The following ALS2 variants were observed in gnomAD, a reference collection of about 807,000 sequenced individuals.
ALS2 encodes the protein alsin Rho guanine nucleotide exchange factor ALS2.
In ALS2, 117 loss-of-function variants were observed where a neutral mutation model predicts 203.4. The observed-to-expected ratio is 0.58, with a 90% CI of 0.50 to 0.67. The LOEUF (loss-of-function observed/expected upper bound fraction) is 0.67, where lower values mean the gene tolerates loss of function less well. ALS2 is among the 30% of genes least tolerant of loss of function. ALS2 has a pLI of 0.00. For missense variants in ALS2, 1,715 were observed against 1,989.4 expected, an observed-to-expected ratio of 0.86 and a Z score of 2.62; for synonymous variants, 718 against 725.9, an observed-to-expected ratio of 0.99 and a Z score of 0.17.
Position 201,751,512 on chromosome 2 carries a change from C to A in ALS2, c.1737+1634G>T, listed in dbSNP as rs181923442. Among the ~76,000 whole-genome samples the A allele has an allele frequency of 4.7e-4, 71 of 152,186 alleles. No individual in the cohort carries two copies. The East Asian group carries it at 0.012, about 25-fold the overall frequency. Reference sequence around the variant, plus strand: ...CTTTTATGACGAAAATATAAATATCCTTTTGACAATTTTTATCCTTTGACA... The same window carrying A: ...CTTTTATGACGAAAATATAAATATCATTTTGACAATTTTTATCCTTTGACA... On this transcript the variant is annotated intron_variant, in intron 7 of 33. Coordinates refer to ENST00000264276, the MANE Select transcript of ALS2 (RefSeq NM_020919.4).
chr2:201,731,844 G>A (rs1691576714), intron 13 of ALS2, among the ~76,000 whole-genome samples: 1 of 152,140 alleles, frequency 6.6e-6, no homozygotes, highest in Non-Finnish European at 1.5e-5. Context: ...CTTCAGAGAT[G>A]GATAGGTGAA....
Position 201,761,503 on chromosome 2 carries a change from G to A in ALS2, c.491C>T (p.Ala164Val). 6.2e-7 allele frequency: 1 copy of A among 1,613,218 alleles called. No individual in the cohort carries two copies. The highest frequency in any genetic ancestry group is 8.5e-7 in the Non-Finnish European group (1 of 1,179,200). Residue 164 changes from alanine to valine, a missense_variant, in exon 4 of 34, where the codon GCA becomes GTA. Around this residue, in one of 3 missense-constraint regions of ALS2, gnomAD observed 476 missense variants for 539.3 expected, o/e 0.88. Coordinates refer to ENST00000264276, the MANE Select transcript of ALS2 (RefSeq NM_020919.4). ...CCAAATCTCTCTGCTTATTGACAAT[G>A]CCAGAGTGTGCTCCTCGCCACACGC... ...QLACGEEHTL[A>V]LSISREIWAW...
intron 4 of ALS2, chr2:201,760,492 T>C: frequency 9.9e-7 from 1 of 1,006,454 alleles, no homozygotes. Context: ...GACTTTTCTC[T>C]ACAGAATTCT....
intron 1 of ALS2, among the ~76,000 whole-genome samples, chr2:201,780,517 C>G (rs1694853402): frequency 6.6e-6 from 1 of 152,142 alleles, no homozygotes; most frequent in Non-Finnish European, 1.5e-5. Context: ...AAGAAATTCT[C>G]GTGAATGAAT....
chr2:201,728,743 G>A (rs1292841436), intron 14 of ALS2, 103 bp from the exon 15 acceptor site: 1 of 1,390,508 alleles, frequency 7.2e-7, no homozygotes, highest in East Asian at 2.4e-5. Flanking sequence ...GGAATTTGCT[G>A]GTCGTAGCTT....
In ALS2 at chr2:201,725,467, AG is replaced by A; in HGVS notation, c.3249-14del. On this transcript the variant is annotated splice_polypyrimidine_tract_variant and intron_variant, in intron 19 of 33. Coordinates refer to ENST00000264276, the MANE Select transcript of ALS2 (RefSeq NM_020919.4). ...GTATTCTCCATACCTGCCATGAAAA[AG>A]AAAAAATAACAAAAGAAGATGCATT... 1 of 1,599,178 alleles carries A rather than the reference AG, an allele frequency of 6.3e-7. No homozygotes were observed. The highest frequency in any genetic ancestry group is 8.6e-7 in the Non-Finnish European group (1 of 1,166,620).
rs749442386 is a variant in ALS2 at position 201,753,233 on chromosome 2, C to T, written c.1650G>A (p.Pro550=). 3.4e-5 allele frequency: 55 copies of T among 1,613,628 alleles called. No individual in the cohort carries two copies. Among genetic ancestry groups the T allele is most frequent in the Middle Eastern group, 1.6e-4 (1 of 6,084 alleles). Residue 550 remains proline (P), a synonymous_variant, in exon 7 of 34, where the codon CCG becomes CCA. Transcript: ENST00000264276. ...GHGDVLPRLQ[P]LCVKCLDGKE... is the part of the protein sequence containing the mutation. ...TGCCATCCAGACATTTTACACACAA[C>T]GGTTGAAGCCTTAAAAAGAAACACA...
chr2:201,758,951 A>AT (rs1425916850), intron 4 of ALS2, among the ~76,000 whole-genome samples: 1 of 152,172 alleles, frequency 6.6e-6, no homozygotes, highest in Non-Finnish European at 1.5e-5. Context: ...CAATAAACAA[A>AT]TATACTTAAT....
At chr2:201,704,963 T>C (rs1689612797) in intron 31 of ALS2, among the ~76,000 whole-genome samples, 176 bp downstream of exon 31, 1 of 152,158 alleles carries the variant, frequency 6.6e-6, no homozygotes, top group Non-Finnish European at 1.5e-5. Flanking sequence ...CATTTTAGAG[T>C]AAAAGATAAC....
Position 201,728,614 on chromosome 2 carries a change from T to C in ALS2, c.2739A>G (p.Arg913=). The part of the protein sequence containing the change: ...MTDSLRKPER[R]LLCESSNRAL... ...CTCGGTTACTACTCTCACACAGCAG[T>C]CGACGCTCTGGCTTCCTCAAGGAAT... The change falls in exon 15 of 34, where the codon CGA becomes CGG. Residue 913 remains arginine (R), a synonymous_variant. Coordinates refer to ENST00000264276, the MANE Select transcript of ALS2 (RefSeq NM_020919.4). 1.2e-6 allele frequency: 2 copies of C among 1,614,090 alleles called. No individual in the cohort carries two copies. Among genetic ancestry groups the C allele is most frequent in the South Asian group, 2.2e-5 (2 of 91,074 alleles).
intron 10 of ALS2, among the ~76,000 whole-genome samples, chr2:201,743,708 C>T (rs1406113481): frequency 6.6e-6 from 1 of 152,146 alleles, no homozygotes; most frequent in Non-Finnish European, 1.5e-5. Flanking sequence ...AACTCCTGAC[C>T]TCATGATCTG....
chr2:201,741,687 C>A lies in ALS2; in HGVS notation c.2338G>T (p.Asp780Tyr), dbSNP rs778611588. ...VILKHSSLFL[D>Y]SYTEYCTSIT... The stretch of plus-strand genomic sequence containing the variant: ...CTGGATACTTGCTCTGTATAACTAT[C>A]CAAGAAGAGACTTGAATGCTTCAGG... Residue 780 changes from aspartate (D) to tyrosine (Y), a missense_variant, in exon 11 of 34, where the codon GAT (aspartate) becomes TAT (tyrosine). Physicochemically the swap from Asp to Tyr is radical, Grantham distance 160 (BLOSUM62 -3). Around this residue, in one of 3 missense-constraint regions of ALS2, gnomAD observed 1,227 missense variants for 1,413.5 expected, o/e 0.87. Transcript: ENST00000264276. 3 of 1,614,046 alleles carry A rather than the reference C, an allele frequency of 1.9e-6. No homozygotes were observed. The highest frequency in any genetic ancestry group is 1.7e-6 in the Non-Finnish European group (2 of 1,180,010).
chr2:201,705,105 G>T, intron 31 of ALS2, 34 bp downstream of exon 31: 1 of 1,598,336 alleles, frequency 6.3e-7, no homozygotes, highest in South Asian at 1.1e-5. Flanking sequence ...GCACTACTTT[G>T]ATTTGTATGG....
At chr2:201,743,348 G>C (rs1446525953) in intron 10 of ALS2, among the ~76,000 whole-genome samples, 1 of 152,158 alleles carries the variant, frequency 6.6e-6, no homozygotes, top group Non-Finnish European at 1.5e-5. Flanking sequence ...CAGGTACCCA[G>C]TATATCTGGA....
At chr2:201,742,817 A>T (rs1298709192) in intron 10 of ALS2, among the ~76,000 whole-genome samples, 1 of 152,170 alleles carries the variant, frequency 6.6e-6, no homozygotes, top group African/African-American at 2.4e-5. Flanking sequence ...CATGCCTGTA[A>T]TCCCACCACT....
chr2:201,728,478 C>G (rs1290338934), intron 15 of ALS2, 34 bp downstream of exon 15: 1 of 1,613,178 alleles, frequency 6.2e-7, no homozygotes, highest in Non-Finnish European at 8.5e-7. Flanking sequence ...GTCCACCTTT[C>G]AGGAATTCTT....
chr2:201,777,634 T>C (rs1375438511), intron 1 of ALS2, among the ~76,000 whole-genome samples: 1 of 152,242 alleles, frequency 6.6e-6, no homozygotes, highest in African/African-American at 2.4e-5. Flanking sequence ...AAAAAATAAG[T>C]TACAGAGGTG....
rs371408833 is a variant in ALS2, at chr2:201,729,113, C to T, written c.2651G>A (p.Arg884Lys). 5 of 1,613,812 alleles carry T rather than the reference C, an allele frequency of 3.1e-6. No individual in the cohort carries two copies. The highest frequency in any genetic ancestry group is 3.4e-6 in the Non-Finnish European group (4 of 1,179,996). Residue 884 changes from arginine to lysine, a missense_variant, in exon 14 of 34, where the codon AGG (arginine) becomes AAG (lysine). Physicochemically the swap from Arg to Lys is conservative, Grantham distance 26 (BLOSUM62 2). This residue lies in a region of ALS2 where 1,227 missense variants were observed against 1,413.5 expected (regional missense o/e 0.87). Transcript: ENST00000264276. ...CYECLALHLG[R>K]KRKEAEYTLG... ...TGTGTATTCTGCTTCCTTCCTTTTC[C>T]TGCCGAGATGGAGAGCAAGACACTC...
chr2:201,775,557 A>C (rs576767498), intron 1 of ALS2, among the ~76,000 whole-genome samples: 2 of 152,262 alleles, frequency 1.3e-5, no homozygotes, highest in African/African-American at 2.4e-5. Context: ...CTATACACCA[A>C]CAACAACTGC....
Sources: gnomAD v4.1 joint callset for allele counts (sites outside exome capture counted in the v4.1 genomes callset) on GRCh38, gnomAD v4.1.1 for gene constraint, gnomAD v4.1.1 regional missense constraint, MANE v1.5 for transcripts, NCBI Gene and HGNC (gene_info 2026-07-23, HGNC 2026-07-21) for gene names.